Variants in GPC6 observed in about 807,000 individuals in gnomAD.
GPC6 encodes the protein glypican-6.
A neutral mutation model predicts 55.2 loss-of-function variants in GPC6; 14 were observed. The observed-to-expected ratio is 0.25, with a 90% CI of 0.17 to 0.40. The LOEUF (loss-of-function observed/expected upper bound fraction) is 0.40, where lower values mean the gene tolerates loss of function less well. Ranked by LOEUF, GPC6 falls within the 10% of genes least tolerant of loss-of-function variation. The pLI is 1.00. For synonymous variants in GPC6, 278 were observed against 259.6 expected, an observed-to-expected ratio of 1.07 and a Z score of -0.68; for missense variants, 641 against 708.5, an observed-to-expected ratio of 0.90 and a Z score of 1.08.
intron 2 of GPC6, among the ~76,000 whole-genome samples, chr13:93,735,532 A>AG (rs1883968994): frequency 6.6e-6 from 1 of 151,914 alleles, no homozygotes; most frequent in African/African-American, 2.4e-5. Flanking sequence ...AAAAAAAAAA[A>AG]AAGAAGAAGA....
intron 4 of GPC6, among the ~76,000 whole-genome samples, chr13:94,034,898 T>G (rs1203419488): frequency 6.6e-6 from 1 of 150,584 alleles, no homozygotes; most frequent in Admixed American, 6.6e-5. Flanking sequence ...ATAGGAAGTT[T>G]ACTAAATATA....
chr13:94,173,369 T>C (rs1888639737), intron 4 of GPC6, among the ~76,000 whole-genome samples: 1 of 152,168 alleles, frequency 6.6e-6, no homozygotes, highest in Non-Finnish European at 1.5e-5. Flanking sequence ...AAGGATAAGA[T>C]GGCTTCCTGG....
At chr13:94,137,605 C>G (rs1254585009) in intron 4 of GPC6, among the ~76,000 whole-genome samples, 1 of 152,096 alleles carries the variant, frequency 6.6e-6, no homozygotes, top group Admixed American at 6.6e-5. Context: ...ATTTATTAAG[C>G]ACCAAGAATA....
At chr13:94,182,867 T>G (rs55832804) in intron 4 of GPC6, among the ~76,000 whole-genome samples, 13,054 of 152,110 alleles carry the variant, frequency 0.086, 588 homozygotes, top group Non-Finnish European at 0.1. Flanking sequence ...CCTGAACCCC[T>G]CAGGTTCAAG....
At chr13:93,968,074 T>G (rs1332982791) in intron 3 of GPC6, among the ~76,000 whole-genome samples, 2 of 152,296 alleles carry the variant, frequency 1.3e-5, no homozygotes, top group East Asian at 1.9e-4. Context: ...TAACTGAATG[T>G]TTTCCTTTAA....
At chr13:94,265,973 A>G (rs1270985374) in intron 4 of GPC6, among the ~76,000 whole-genome samples, 1 of 152,156 alleles carries the variant, frequency 6.6e-6, no homozygotes, top group Non-Finnish European at 1.5e-5. Flanking sequence ...AATCTGCACT[A>G]GAGCCCAACT....
intron 1 of GPC6, among the ~76,000 whole-genome samples, chr13:93,498,627 G>C (rs1880399338): frequency 6.6e-6 from 1 of 152,054 alleles, no homozygotes; most frequent in South Asian, 2.1e-4. Context: ...TCCCCTTGCT[G>C]CTGCCATGTA....
intron 3 of GPC6, among the ~76,000 whole-genome samples, chr13:93,869,275 A>G (rs1337138823): frequency 2.0e-5 from 3 of 151,850 alleles, no homozygotes; most frequent in Non-Finnish European, 4.4e-5. Context: ...ATGACCTTTG[A>G]GAAAATGATT....
intron 4 of GPC6, among the ~76,000 whole-genome samples, chr13:94,089,099 C>T (rs1428831819): frequency 6.6e-6 from 1 of 152,082 alleles, no homozygotes; most frequent in Non-Finnish European, 1.5e-5. Flanking sequence ...CTGAGAAATT[C>T]CTCCAATTCA....
At chr13:93,867,137 G>C (rs914985845) in intron 3 of GPC6, among the ~76,000 whole-genome samples, 22 of 151,616 alleles carry the variant, frequency 1.5e-4, no homozygotes, top group African/African-American at 5.3e-4. Flanking sequence ...CATTTACATG[G>C]AATAGTTCCA....
chr13:93,889,796 G>T (rs540221457), intron 3 of GPC6, among the ~76,000 whole-genome samples: 3 of 152,150 alleles, frequency 2.0e-5, no homozygotes, highest in African/African-American at 7.2e-5. Flanking sequence ...CTTGGAGTTT[G>T]CTATGGCCAT....
At chr13:93,371,192 G>C (rs751232988) in intron 1 of GPC6, among the ~76,000 whole-genome samples, 1 of 152,036 alleles carries the variant, frequency 6.6e-6, no homozygotes, top group Non-Finnish European at 1.5e-5. Flanking sequence ...TGGCTAGAGA[G>C]TTAATGATTC....
At chr13:94,281,888 T>A (rs1345764443) in intron 4 of GPC6, among the ~76,000 whole-genome samples, 1 of 152,222 alleles carries the variant, frequency 6.6e-6, no homozygotes, top group African/African-American at 2.4e-5. Flanking sequence ...AAATTCTCTG[T>A]TCCCTTCTGG....
intron 1 of GPC6, among the ~76,000 whole-genome samples, chr13:93,266,846 A>G (rs1389468617): frequency 2.0e-5 from 3 of 152,146 alleles, no homozygotes; most frequent in African/African-American, 7.2e-5. Context: ...GGCTTTTGCC[A>G]CTCTATAAGT....
At chr13:93,560,345 CA>C (rs35073008) in intron 2 of GPC6, among the ~76,000 whole-genome samples, 34,162 of 129,500 alleles carry the variant, frequency 0.26, 4,492 homozygotes, top group Middle Eastern at 0.42. Flanking sequence ...GTATCTCTAC[CA>C]AAAAAAAAAA....
At chr13:93,331,998 G>C (rs1298463082) in intron 1 of GPC6, among the ~76,000 whole-genome samples, 1 of 151,980 alleles carries the variant, frequency 6.6e-6, no homozygotes, top group Non-Finnish European at 1.5e-5. Context: ...CACTTAACAT[G>C]ATGTCCTCCA....
At chr13:93,802,921 T>C (rs1293883347) in intron 2 of GPC6, among the ~76,000 whole-genome samples, 1 of 152,196 alleles carries the variant, frequency 6.6e-6, no homozygotes, top group African/African-American at 2.4e-5. Context: ...CAGACTAAAC[T>C]TTTATCATCA....
intron 4 of GPC6, among the ~76,000 whole-genome samples, chr13:94,031,466 G>A (rs985605033): frequency 9.9e-5 from 15 of 152,112 alleles, no homozygotes; most frequent in South Asian, 2.1e-4. Context: ...GGTGTCTTAC[G>A]TAGCACCCCT....
At chr13:94,289,362 T>C (rs951963220) in intron 5 of GPC6, among the ~76,000 whole-genome samples, 1 of 152,198 alleles carries the variant, frequency 6.6e-6, no homozygotes, top group African/African-American at 2.4e-5. Context: ...GCTTTCTTAG[T>C]GGAGTTACAT....
Sources: allele counts gnomAD v4.1 joint callset (sites outside exome capture counted in the v4.1 genomes callset), GRCh38; gene constraint gnomAD v4.1.1; transcripts MANE v1.5; gene names NCBI Gene and HGNC (gene_info 2026-07-23, HGNC 2026-07-21).